Variants in SMPDL3B observed in about 807,000 individuals in gnomAD.
SMPDL3B encodes sphingomyelin phosphodiesterase acid like 3B, also known as acid sphingomyelinase-like phosphodiesterase 3b.
SMPDL3B carries 31 observed loss-of-function variants against 37.9 expected under a neutral mutation model. The observed-to-expected ratio is 0.82, with a 90% CI of 0.61 to 1.10. The LOEUF is 1.10. Among genes scored for constraint, SMPDL3B ranks in the 50% least tolerant of loss-of-function variants. SMPDL3B has a pLI of 0.00. For missense variants in SMPDL3B, 525 were observed against 597.8 expected, an observed-to-expected ratio of 0.88 and a Z score of 1.27; for synonymous variants, 235 against 242.6, an observed-to-expected ratio of 0.97 and a Z score of 0.29.
At chr1:27,936,306 A>G (rs1423666434) in intron 1 of SMPDL3B, among the ~76,000 whole-genome samples, 1 of 152,004 alleles carries the variant, frequency 6.6e-6, no homozygotes, top group Non-Finnish European at 1.5e-5. Context: ...ACCAAAAATT[A>G]GCTGGGTGTG....
intron 1 of SMPDL3B, among the ~76,000 whole-genome samples, chr1:27,944,498 G>T (rs1451343213): frequency 6.6e-6 from 1 of 152,016 alleles, no homozygotes; most frequent in Admixed American, 6.6e-5. Context: ...GGGACCACAG[G>T]TACATGACCC....
intron 7 of SMPDL3B, among the ~76,000 whole-genome samples, chr1:27,957,219 A>G (rs1638316949): frequency 6.6e-6 from 1 of 152,100 alleles, no homozygotes; most frequent in African/African-American, 2.4e-5. Flanking sequence ...GGGAAGGACA[A>G]ATCCCAGATG....
chr1:27,942,636 C>A (rs1362450326), intron 1 of SMPDL3B, among the ~76,000 whole-genome samples: 2 of 151,180 alleles, frequency 1.3e-5, no homozygotes, highest in African/African-American at 4.9e-5. Context: ...AAGAGTGTAC[C>A]ACCATGCCTG....
intron 1 of SMPDL3B, among the ~76,000 whole-genome samples, chr1:27,940,445 A>ACGTTCTGTT (rs56043553): frequency 0.95 from 144,833 of 152,140 alleles, 69,266 homozygotes; most frequent in East Asian, 1. Flanking sequence ...CCCATTTATG[A>ACGTTCTGTT]AATCATCTCA....
At position 27,942,321 on chromosome 1, in the gene SMPDL3B, C is replaced by CTG. The variant is rs202228729; in HGVS notation, c.62-2911_62-2910insTG. 5 of 441,468 alleles carry CTG rather than the reference C, an allele frequency of 1.1e-5. No individual in the cohort carries two copies. The Admixed American group carries it at 1.3e-4, about 11-fold the overall frequency. 27.3% of individuals were successfully genotyped at this position (441,468 alleles called of 1,614,324 possible). On this transcript the variant is annotated intron_variant, in intron 1 of 7. Coordinates refer to ENST00000373894, the MANE Select transcript of SMPDL3B (RefSeq NM_014474.4). ...CCCAAGAGAAAGGCAAAGGGCCTCCCCCAACATCCATCCTGGCCAGCCTGG... is the reference window on the plus strand; with the variant it reads ...CCCAAGAGAAAGGCAAAGGGCCTCCCTGCCAACATCCATCCTGGCCAGCCTGG...
intron 3 of SMPDL3B, among the ~76,000 whole-genome samples, chr1:27,952,357 G>A (rs1380289343): frequency 6.6e-6 from 1 of 152,190 alleles, no homozygotes; most frequent in African/African-American, 2.4e-5. Flanking sequence ...TGGAATGGGA[G>A]GCTCCAGCCT....
chr1:27,956,142 CT>C, intron 7 of SMPDL3B, 60 bp downstream of exon 7: 1 of 1,613,856 alleles, frequency 6.2e-7, no homozygotes, highest in Non-Finnish European at 8.5e-7. Context: ...GCATCACCAC[CT>C]TCCCTCACTC....
At chr1:27,957,276 G>C (rs1350469595) in intron 7 of SMPDL3B, among the ~76,000 whole-genome samples, 1 of 152,154 alleles carries the variant, frequency 6.6e-6, no homozygotes, top group Non-Finnish European at 1.5e-5. Context: ...ATGGTGAAAA[G>C]TGCCAGGTCC....
In SMPDL3B at chr1:27,938,654, T is replaced by C. The variant is rs148510874; in HGVS notation, c.61+3410T>C. ...GACTTACGAAGATTCCACTAAGCTG[T>C]ATGATGGGGCGAAAGCCTTAGGCAT... On this transcript the variant is annotated intron_variant, in intron 1 of 7. Transcript: ENST00000373894. 2.7e-3 allele frequency among the ~76,000 whole-genome samples: 406 copies of C among 152,370 alleles called. 5 individuals are homozygous for C. The highest frequency in any genetic ancestry group is 9.0e-3 in the African/African-American group (374 of 41,590).
chr1:27,942,524 G>A (rs557937383), intron 1 of SMPDL3B, among the ~76,000 whole-genome samples: 4 of 152,350 alleles, frequency 2.6e-5, no homozygotes, highest in African/African-American at 9.6e-5. Context: ...TGTCGCACAG[G>A]CAGGAGTGCA....
At position 27,954,337 on chromosome 1, in the gene SMPDL3B, G is replaced by A. The variant is rs1171195792; in HGVS notation, c.518-17G>A. 6.2e-7 allele frequency: 1 copy of A among 1,609,432 alleles called. No individual in the cohort carries two copies. The highest frequency in any genetic ancestry group is 8.5e-7 in the Non-Finnish European group (1 of 1,176,978). ...CAGAGGTGGGGGCCTCCTTCATATT[G>A]TCCCTGGCTGTGACAGGTGCCTTCT... On this transcript the variant is annotated splice_polypyrimidine_tract_variant and intron_variant, in intron 4 of 7. Transcript: ENST00000373894.
chr1:27,950,764 G>T (rs1344314022), intron 3 of SMPDL3B, among the ~76,000 whole-genome samples: 1 of 152,156 alleles, frequency 6.6e-6, no homozygotes, highest in Non-Finnish European at 1.5e-5. Context: ...CTGAGTAGCT[G>T]GACTCTAGGC....
chr1:27,958,387 T>C lies in SMPDL3B; in HGVS notation c.1006-89T>C. ...CTACTAGTGGTCATGGTCACTGCTC[T>C]AAAGAACTTGGGGGCAAATGCAAGG... On this transcript the variant is annotated intron_variant, in intron 7 of 7. Coordinates refer to ENST00000373894, the MANE Select transcript of SMPDL3B (RefSeq NM_014474.4). This position sits in a 1 kb window ranked among gnomAD's most constrained non-coding sequence, Gnocchi z 5.6. 3.3e-6 allele frequency: 5 copies of C among 1,509,894 alleles called. No individual in the cohort carries two copies. The highest frequency in any genetic ancestry group is 4.4e-6 in the Non-Finnish European group (5 of 1,125,668). 93.5% of individuals were successfully genotyped at this position (1,509,894 alleles called of 1,614,324 possible). A position where few individuals can be genotyped will look rare whatever the true frequency, so the allele number is the denominator to read the frequency against.
rs79111444 is a variant in SMPDL3B at position 27,945,196 on chromosome 1, G to A, written c.62-36G>A. On this transcript the variant is annotated intron_variant, in intron 1 of 7. Transcript: ENST00000373894. This position sits in a 1 kb window ranked among gnomAD's most constrained non-coding sequence, Gnocchi z 4.0. ...TTCCTTGCTTCCAGGCTGAGAGAGA[G>A]ACCAGCTTTGAAGGAGGATGTTTTT... 2 of 1,603,912 alleles carry A rather than the reference G, an allele frequency of 1.2e-6. No homozygotes were observed. Among genetic ancestry groups the A allele is most frequent in the South Asian group, 2.2e-5 (2 of 90,616 alleles).
intron 1 of SMPDL3B, among the ~76,000 whole-genome samples, chr1:27,936,879 G>A (rs1027366024): frequency 6.6e-6 from 1 of 152,114 alleles, no homozygotes; most frequent in African/African-American, 2.4e-5. Flanking sequence ...AAATTAGCCA[G>A]GCGTGGTGAT....
intron 1 of SMPDL3B, among the ~76,000 whole-genome samples, chr1:27,937,235 C>T (rs1191685630): frequency 6.6e-6 from 1 of 152,300 alleles, no homozygotes; most frequent in East Asian, 1.9e-4. Flanking sequence ...GCTCCTTCTC[C>T]TCCTACACAT....
At chr1:27,944,073 T>C (rs1446299555) in intron 1 of SMPDL3B, among the ~76,000 whole-genome samples, 2 of 151,272 alleles carry the variant, frequency 1.3e-5, no homozygotes, top group African/African-American at 4.9e-5. Flanking sequence ...GCATGAGAAG[T>C]CTACTCCATC....
chr1:27,956,855 G>T (rs1638298552), intron 7 of SMPDL3B, among the ~76,000 whole-genome samples: 1 of 152,092 alleles, frequency 6.6e-6, no homozygotes, highest in Non-Finnish European at 1.5e-5. Context: ...GTGTTAGATA[G>T]GTGGGAAGGG....
chr1:27,939,956 T>C (rs752990154), intron 1 of SMPDL3B, among the ~76,000 whole-genome samples: 17 of 152,202 alleles, frequency 1.1e-4, no homozygotes, highest in Non-Finnish European at 2.2e-4. Context: ...ATTTTTAATA[T>C]TGCTTTTGAA....
Sources: gnomAD v4.1 joint callset for allele counts (sites outside exome capture counted in the v4.1 genomes callset) on GRCh38, gnomAD v4.1.1 for gene constraint, Gnocchi (gnomAD v3.1) non-coding constraint, MANE v1.5 for transcripts, NCBI Gene and HGNC (gene_info 2026-07-23, HGNC 2026-07-21) for gene names.